DNAI4: variants seen among roughly 807,000 people sequenced by gnomAD.
DNAI4 encodes the protein dynein axonemal intermediate chain 4.
DNAI4 carries 85 observed loss-of-function variants against 105.8 expected under a neutral mutation model. The observed-to-expected ratio is 0.80, with a 90% CI of 0.67 to 0.96. The LOEUF is 0.96. Ranked by LOEUF, DNAI4 falls within the 40% of genes least tolerant of loss-of-function variation. The probability of loss-of-function intolerance (pLI) is 0.00; values close to 1 mark genes in which losing one functional copy is unlikely to be tolerated. For synonymous variants in DNAI4, 352 were observed against 331.5 expected, an observed-to-expected ratio of 1.06 and a Z score of -0.67; for missense variants, 1,014 against 1,005.6, an observed-to-expected ratio of 1.01 and a Z score of -0.11.
Position 66,834,168 on chromosome 1 carries a change from A to T in DNAI4, c.1734-20T>A. 1 of 1,567,588 alleles carries T rather than the reference A, an allele frequency of 6.4e-7. No individual in the cohort carries two copies. Among genetic ancestry groups the T allele is most frequent in the Non-Finnish European group, 8.6e-7 (1 of 1,158,630 alleles). ...GATTCACTAAAACAGTAAAAAAAATACTAAACATATAATCATTATAATAAT... is the reference window on the plus strand; with the variant it reads ...GATTCACTAAAACAGTAAAAAAAATTCTAAACATATAATCATTATAATAAT... On this transcript the variant is annotated intron_variant, in intron 11 of 16. Coordinates refer to ENST00000371026, the MANE Select transcript of DNAI4 (RefSeq NM_024763.5).
intron 9 of DNAI4, 109 bp from the exon 10 acceptor site, chr1:66,837,905 T>C: frequency 9.2e-7 from 1 of 1,090,108 alleles, no homozygotes; most frequent in East Asian, 2.7e-5. Flanking sequence ...TAGTAAGACA[T>C]TTCATCTGAG....
At chr1:66,922,685 T>C (rs760022676) in intron 1 of DNAI4, among the ~76,000 whole-genome samples, 22 of 152,178 alleles carry the variant, frequency 1.4e-4, no homozygotes, top group African/African-American at 4.1e-4. Flanking sequence ...AATTTGCTTA[T>C]AGAGTGAGGT....
chr1:66,886,315 T>C (rs557764650), intron 4 of DNAI4, among the ~76,000 whole-genome samples: 4 of 152,326 alleles, frequency 2.6e-5, no homozygotes, highest in South Asian at 2.1e-4. Context: ...GTTTTTAAAT[T>C]TGTATCATAA....
rs184617358 is a variant in DNAI4, at chr1:66,879,830, T to G, written c.644-4893A>C. Among the ~76,000 whole-genome samples the G allele has an allele frequency of 1.7e-4, 26 of 152,306 alleles. No individual in the cohort carries two copies. In the East Asian group the frequency reaches 3.3e-3, roughly 19 times the overall value. ...TATGCCATCTGTATATCTTTTTTGA[T>G]GAAGTGTTTGTTCCTATGTTTTGTT... On this transcript the variant is annotated intron_variant, in intron 4 of 16. Transcript: ENST00000371026.
intron 8 of DNAI4, among the ~76,000 whole-genome samples, chr1:66,843,714 G>C (rs891846722): frequency 2.0e-5 from 3 of 152,094 alleles, no homozygotes; most frequent in Non-Finnish European, 4.4e-5. Flanking sequence ...TTTGTGACAG[G>C]TGTAAAGTCT....
At chr1:66,871,728 G>A (rs747133135) in intron 5 of DNAI4, among the ~76,000 whole-genome samples, 20 of 152,004 alleles carry the variant, frequency 1.3e-4, no homozygotes, top group South Asian at 2.1e-4. Context: ...TACTACTATC[G>A]GTACCTTATC....
At chr1:66,896,028 C>G (rs1481562503) in intron 2 of DNAI4, among the ~76,000 whole-genome samples, 1 of 152,086 alleles carries the variant, frequency 6.6e-6, no homozygotes, top group Non-Finnish European at 1.5e-5. Context: ...GTTTCTCATA[C>G]TGTATTCAGG....
chr1:66,853,403 G>C (rs1041896016), intron 7 of DNAI4, among the ~76,000 whole-genome samples: 1 of 152,172 alleles, frequency 6.6e-6, no homozygotes, highest in Non-Finnish European at 1.5e-5. Context: ...TTGAGTTTTA[G>C]GCCTGTGAGA....
At position 66,829,842 on chromosome 1, in the gene DNAI4, C is replaced by T. The variant is rs369306294; in HGVS notation, c.2014-1932G>A. ...TTTATAACAAATCTTAATAAATTCA[C>T]GGAGTTCAGTTTATAAAAAGTATTT... On this transcript the variant is annotated intron_variant, in intron 13 of 16. Coordinates refer to ENST00000371026, the MANE Select transcript of DNAI4 (RefSeq NM_024763.5). 2.6e-5 allele frequency among the ~76,000 whole-genome samples: 4 copies of T among 152,050 alleles called. No homozygotes were observed. The East Asian group carries it at 5.8e-4, about 22-fold the overall frequency.
chr1:66,832,299 A>G (rs973134263), intron 13 of DNAI4, among the ~76,000 whole-genome samples: 1 of 152,226 alleles, frequency 6.6e-6, no homozygotes, highest in African/African-American at 2.4e-5. Flanking sequence ...GGACAATCAA[A>G]TTTTAAGTAT....
rs367785303 is a variant in DNAI4 at position 66,835,803 on chromosome 1, A to C, written c.1582-26T>G. On this transcript the variant is annotated intron_variant, in intron 10 of 16. Transcript: ENST00000371026. Reference sequence around the variant, plus strand: ...CTAAATTTTAAAAAATTACATTTTCAATTTGTTTTTGTAGACCACAGTAAG... The same window carrying C: ...CTAAATTTTAAAAAATTACATTTTCCATTTGTTTTTGTAGACCACAGTAAG... 169 of 1,609,970 alleles carry C rather than the reference A, an allele frequency of 1.0e-4. No individual in the cohort carries two copies. The Middle Eastern group carries it at 1.2e-3, about 11-fold the overall frequency.
intron 2 of DNAI4, among the ~76,000 whole-genome samples, chr1:66,894,108 G>A (rs1215096269): frequency 6.6e-6 from 1 of 152,098 alleles, no homozygotes; most frequent in East Asian, 1.9e-4. Flanking sequence ...ATATTTTAGA[G>A]TGTACTCCTT....
At chr1:66,918,230 G>C (rs1012637198) in intron 1 of DNAI4, among the ~76,000 whole-genome samples, 5 of 152,282 alleles carry the variant, frequency 3.3e-5, no homozygotes, top group African/African-American at 4.8e-5. Flanking sequence ...ACCATGATTT[G>C]TCTTTAGTAA....
chr1:66,866,560 C>G (rs922333684), intron 6 of DNAI4, among the ~76,000 whole-genome samples: 3 of 152,116 alleles, frequency 2.0e-5, no homozygotes, highest in Non-Finnish European at 4.4e-5. Flanking sequence ...TCACCTCACT[C>G]CTATGTCAGA....
chr1:66,909,851 C>T (rs183309469), intron 1 of DNAI4, among the ~76,000 whole-genome samples: 4 of 152,204 alleles, frequency 2.6e-5, no homozygotes, highest in East Asian at 1.9e-4. Flanking sequence ...GGCAACTTTA[C>T]TCTTCCAGTT....
At chr1:66,841,039 A>T (rs1486151490) in intron 8 of DNAI4, among the ~76,000 whole-genome samples, 1 of 152,230 alleles carries the variant, frequency 6.6e-6, no homozygotes, top group Non-Finnish European at 1.5e-5. Context: ...ACAGCTCAAC[A>T]TATCCCACAC....
intron 3 of DNAI4, 132 bp downstream of exon 3, chr1:66,893,097 G>T: frequency 2.3e-6 from 1 of 434,396 alleles, no homozygotes; most frequent in Non-Finnish European, 3.9e-6. Flanking sequence ...AAGAAAGAAA[G>T]AAAGAAAGAA....
Position 66,862,186 on chromosome 1 carries a change from C to G in DNAI4, c.1057G>C (p.Asp353His). The G allele has an allele frequency of 1.2e-6, 2 of 1,603,290 alleles. No homozygotes were observed. The highest frequency in any genetic ancestry group is 2.3e-5 in the East Asian group (1 of 44,114). ...SSSKANVLPK[D>H]QDQRLPGSTT... ...CTCCCTGGCAATCTTTGGTCCTGAT[C>G]TTTAGGAAGTACATTTGCTTTACTA... Residue 353 changes from aspartate to histidine, a missense_variant, in exon 7 of 17, where the codon GAT (aspartate) becomes CAT (histidine). Transcript: ENST00000371026.
At chr1:66,882,545 T>C (rs1315921624) in intron 4 of DNAI4, among the ~76,000 whole-genome samples, 3 of 152,186 alleles carry the variant, frequency 2.0e-5, no homozygotes, top group Non-Finnish European at 2.9e-5. Flanking sequence ...CATATGGATG[T>C]TCAATTTTTC....
Sources: gnomAD v4.1 joint callset for allele counts (sites outside exome capture counted in the v4.1 genomes callset) on GRCh38, gnomAD v4.1.1 for gene constraint, MANE v1.5 for transcripts, NCBI Gene and HGNC (gene_info 2026-07-23, HGNC 2026-07-21) for gene names.